The following CMTR1 variants were observed in gnomAD, a reference collection of about 807,000 sequenced individuals.
CMTR1 encodes cap methyltransferase 1.
In CMTR1, 39 loss-of-function variants were observed where a neutral mutation model predicts 107.0. That is an observed-to-expected ratio of 0.36 (90% CI 0.28 to 0.48). The LOEUF (loss-of-function observed/expected upper bound fraction) is 0.48, where lower values mean the gene tolerates loss of function less well. Among genes scored for constraint, CMTR1 ranks in the 20% least tolerant of loss-of-function variants. The pLI is 0.99. For synonymous variants in CMTR1, 366 were observed against 379.5 expected, an observed-to-expected ratio of 0.96 and a Z score of 0.41; for missense variants, 672 against 1,064.9, an observed-to-expected ratio of 0.63 and a Z score of 5.14.
chr6:37,447,885 C>T (rs1053063027), intron 4 of CMTR1, among the ~76,000 whole-genome samples: 6 of 145,900 alleles, frequency 4.1e-5, no homozygotes, highest in African/African-American at 1.0e-4. Flanking sequence ...AAAAAAAGCC[C>T]TATAAGTAAG....
chr6:37,458,839 G>A lies in CMTR1; in HGVS notation c.976+29G>A, dbSNP rs767653181. The A allele has an allele frequency of 3.1e-6, 5 of 1,606,360 alleles. No individual in the cohort carries two copies. Among genetic ancestry groups the A allele is most frequent in the Non-Finnish European group, 4.3e-6 (5 of 1,174,360 alleles). On this transcript the variant is annotated intron_variant, in intron 9 of 23. Transcript: ENST00000373451. This position sits in a 1 kb window ranked among gnomAD's most constrained non-coding sequence, Gnocchi z 4.7. The stretch of plus-strand genomic sequence containing the variant: ...GGGACATTGAGGAGGGTACTAGGAG[G>A]TATGAGGGACAGCCCCTCTATGGGG...
intron 4 of CMTR1, among the ~76,000 whole-genome samples, chr6:37,448,523 A>G (rs549708132): frequency 8.5e-5 from 13 of 152,320 alleles, no homozygotes; most frequent in African/African-American, 3.1e-4. Flanking sequence ...CTTAAACATG[A>G]TAGATTTGAC....
intron 15 of CMTR1, 32 bp downstream of exon 15, chr6:37,471,936 G>A: frequency 6.2e-7 from 1 of 1,603,170 alleles, no homozygotes; most frequent in Non-Finnish European, 8.5e-7. Context: ...TGCTGCTTCA[G>A]GGCAGGGAAG....
intron 11 of CMTR1, 22 bp from the exon 12 acceptor site, chr6:37,461,948 T>G (rs750060888): frequency 6.2e-7 from 1 of 1,613,402 alleles, no homozygotes; most frequent in Non-Finnish European, 8.5e-7. Context: ...TGGCTGCTTT[T>G]GGTGTTTTCT....
chr6:37,478,094 C>CTCT (rs1451735755), intron 21 of CMTR1, among the ~76,000 whole-genome samples: 1 of 152,194 alleles, frequency 6.6e-6, no homozygotes, highest in Non-Finnish European at 1.5e-5. Flanking sequence ...GTTACATTAA[C>CTCT]TCTTCAGTGG....
intron 3 of CMTR1, among the ~76,000 whole-genome samples, chr6:37,445,733 T>C (rs1336426083): frequency 3.3e-5 from 5 of 152,020 alleles, no homozygotes; most frequent in Non-Finnish European, 5.9e-5. Context: ...GACCTCGTGA[T>C]CCGCCCTTCT....
chr6:37,463,858 G>A (rs1291732563), intron 13 of CMTR1, among the ~76,000 whole-genome samples: 1 of 152,200 alleles, frequency 6.6e-6, no homozygotes, highest in African/African-American at 2.4e-5. Context: ...TAGGCACCAA[G>A]GTGGAGCAGA....
intron 1 of CMTR1, among the ~76,000 whole-genome samples, chr6:37,433,752 G>A (rs560043579): frequency 6.6e-5 from 10 of 152,228 alleles, no homozygotes; most frequent in African/African-American, 1.9e-4. Context: ...GAACCAGGCC[G>A]CTTGCCTTCC....
Position 37,453,076 on chromosome 6 carries a change from G to C in CMTR1, c.639G>C (p.Glu213Asp). ...KSVFDVLDGEEMRRARTRANP... is the reference protein window; with the variant it reads ...KSVFDVLDGEDMRRARTRANP... ...TGTTTGATGTCTTGGATGGGGAAGAGATGCGGCGAGCTCGGACTCGGGCCA... is the reference window on the plus strand; with the variant it reads ...TGTTTGATGTCTTGGATGGGGAAGACATGCGGCGAGCTCGGACTCGGGCCA... Residue 213 changes from glutamate to aspartate, a missense_variant, in exon 7 of 24, where the codon GAG (glutamate) becomes GAC (aspartate). This residue lies in a region of CMTR1 where 583 missense variants were observed against 968.4 expected (regional missense o/e 0.60). Coordinates refer to ENST00000373451, the MANE Select transcript of CMTR1 (RefSeq NM_015050.3). 1 of 1,614,168 alleles carries C rather than the reference G, an allele frequency of 6.2e-7. No individual in the cohort carries two copies. Among genetic ancestry groups the C allele is most frequent in the South Asian group, 1.1e-5 (1 of 91,088 alleles).
rs780604927 is a variant in CMTR1, at chr6:37,478,463, A to G, written c.2208A>G (p.Thr736=). 1 of 1,614,130 alleles carries G rather than the reference A, an allele frequency of 6.2e-7. No homozygotes were observed. Among genetic ancestry groups the G allele is most frequent in the Admixed American group, 1.7e-5 (1 of 60,028 alleles). ...GSSGTPKLSY[T]GRDDRHFVPM... is the part of the protein sequence containing the mutation. ...GTGGCACCCCAAAGCTCAGCTACAC[A>G]GGGCGTGATGACCGGCACTTTGTAC... Residue 736 remains threonine, a synonymous_variant, in exon 22 of 24, where the codon ACA becomes ACG. Coordinates refer to ENST00000373451, the MANE Select transcript of CMTR1 (RefSeq NM_015050.3).
Position 37,458,719 on chromosome 6 carries a change from A to G in CMTR1, c.885A>G (p.Ala295=). The G allele has an allele frequency of 6.2e-7, 1 of 1,614,144 alleles. No homozygotes were observed. The highest frequency in any genetic ancestry group is 8.5e-7 in the Non-Finnish European group (1 of 1,180,022). Residue 295 remains alanine, a synonymous_variant, in exon 9 of 24, where the codon GCA becomes GCG. Transcript: ENST00000373451. This position sits in a 1 kb window ranked among gnomAD's most constrained non-coding sequence, Gnocchi z 4.7. ...EYVLWRKKWH[A]KGFGMTLKGP... is the part of the protein sequence containing the mutation. The stretch of plus-strand genomic sequence containing the variant: ...TGCTGTGGAGGAAGAAGTGGCATGC[A>G]AAGGGCTTTGGAATGACTTTGAAGG...
At chr6:37,441,234 T>C (rs958733183) in intron 2 of CMTR1, among the ~76,000 whole-genome samples, 1 of 152,056 alleles carries the variant, frequency 6.6e-6, no homozygotes, top group Non-Finnish European at 1.5e-5. Context: ...TGTTGCAGAG[T>C]GCATCTCTCT....
At chr6:37,461,944 CT>C in intron 11 of CMTR1, 25 bp from the exon 12 acceptor site, 1 of 1,613,018 alleles carries the variant, frequency 6.2e-7, no homozygotes, top group Non-Finnish European at 8.5e-7. Flanking sequence ...CCATTGGCTG[CT>C]TTTGGTGTTT....
chr6:37,447,913 AAGTT>A (rs1182564297), intron 4 of CMTR1, among the ~76,000 whole-genome samples: 1 of 143,654 alleles, frequency 7.0e-6, no homozygotes, highest in African/African-American at 2.6e-5. Flanking sequence ...TTGTAAGTAA[AAGTT>A]AGGTCAAGTG....
the CMTR1 span, among the ~76,000 whole-genome samples, chr6:37,424,586 A>G: frequency 2.0e-5 from 3 of 152,214 alleles, no homozygotes; most frequent in East Asian, 5.8e-4. Flanking sequence ...TAATATTTTA[A>G]AAATACATTA....
chr6:37,465,190 C>A (rs1761482880), intron 13 of CMTR1, among the ~76,000 whole-genome samples: 1 of 151,852 alleles, frequency 6.6e-6, no homozygotes. Flanking sequence ...ATCGCTTGAA[C>A]CCGGGAGGCG....
chr6:37,469,326 C>T (rs1761576211), intron 13 of CMTR1, among the ~76,000 whole-genome samples: 1 of 151,882 alleles, frequency 6.6e-6, no homozygotes, highest in Non-Finnish European at 1.5e-5. Flanking sequence ...TTCTGTATGT[C>T]ATGTGTCTTT....
chr6:37,445,603 C>G (rs1023599333), intron 3 of CMTR1, among the ~76,000 whole-genome samples: 3 of 151,258 alleles, frequency 2.0e-5, no homozygotes, highest in African/African-American at 7.3e-5. Flanking sequence ...ATTGTCCTGC[C>G]TCAGCCTCCT....
intron 20 of CMTR1, 25 bp downstream of exon 20, chr6:37,476,219 A>G (rs1316128052): frequency 1.2e-6 from 2 of 1,613,080 alleles, no homozygotes; most frequent in Middle Eastern, 1.7e-4. Context: ...CCTACCCTCC[A>G]TGCTTCTTTC....
Sources: gnomAD v4.1 joint callset for allele counts (sites outside exome capture counted in the v4.1 genomes callset) on GRCh38, gnomAD v4.1.1 for gene constraint, gnomAD v4.1.1 regional missense constraint, Gnocchi (gnomAD v3.1) non-coding constraint, MANE v1.5 for transcripts, NCBI Gene and HGNC (gene_info 2026-07-23, HGNC 2026-07-21) for gene names.